Variants in EBF1 observed in about 807,000 individuals in gnomAD.
EBF1 encodes the protein transcription factor COE1.
Under a neutral mutation model 68.4 loss-of-function variants are expected in EBF1, and 10 were observed. The ratio of observed to expected loss-of-function variants is 0.15; its 90% CI spans 0.09 to 0.25. The LOEUF (loss-of-function observed/expected upper bound fraction) is 0.25. Ranked by LOEUF, EBF1 falls within the 10% of genes least tolerant of loss-of-function variation. The pLI is 1.00. For synonymous variants in EBF1, 298 were observed against 299.8 expected, an observed-to-expected ratio of 0.99 and a Z score of 0.06; for missense variants, 509 against 794.4, an observed-to-expected ratio of 0.64 and a Z score of 4.32.
chr5:158,990,409 A>C (rs1760087234), intron 6 of EBF1, among the ~76,000 whole-genome samples: 1 of 152,228 alleles, frequency 6.6e-6, no homozygotes, highest in African/African-American at 2.4e-5. Flanking sequence ...AATGGATTAG[A>C]GGAGGAGACT....
intron 6 of EBF1, among the ~76,000 whole-genome samples, chr5:159,051,456 C>CGGCG (rs1773707294): frequency 6.9e-6 from 1 of 144,300 alleles, no homozygotes; most frequent in Admixed American, 6.9e-5. Context: ...CCCCGCCGCC[C>CGGCG]GGCGGCTGAC....
chr5:158,803,438 A>G (rs1198155825), intron 8 of EBF1, among the ~76,000 whole-genome samples: 3 of 150,520 alleles, frequency 2.0e-5, no homozygotes, highest in African/African-American at 4.9e-5. Flanking sequence ...TGATCCTGAA[A>G]CTAGCAGCTA....
intron 6 of EBF1, 89 bp downstream of exon 6, chr5:159,073,307 A>T: frequency 2.1e-6 from 3 of 1,402,228 alleles, no homozygotes; most frequent in Non-Finnish European, 2.0e-6. Context: ...AGCCACATGC[A>T]TTCCTAACCC....
At chr5:159,087,514 G>A (rs1780938434) in intron 4 of EBF1, among the ~76,000 whole-genome samples, 1 of 151,322 alleles carries the variant, frequency 6.6e-6, no homozygotes, top group Non-Finnish European at 1.5e-5. Context: ...TGGAGGCAGG[G>A]GGAATTATCA....
intron 9 of EBF1, among the ~76,000 whole-genome samples, chr5:158,784,853 C>T (rs766180553): frequency 8.5e-5 from 13 of 152,116 alleles, no homozygotes; most frequent in African/African-American, 2.4e-4. Flanking sequence ...GAAGGGTCTG[C>T]GTTCTAAGGC....
chr5:158,697,966 C>G lies in EBF1; in HGVS notation c.*1145G>C, dbSNP rs1406779492. On this transcript the variant is annotated 3_prime_UTR_variant, in exon 16 of 16. Coordinates refer to ENST00000313708, the MANE Select transcript of EBF1 (RefSeq NM_024007.5). ...AACCTTCTTTTCCTTTCTCCACCCC[C>G]GGTTCCCTTTAACTCTTAATTCCAA... The G allele has an allele frequency of 9.5e-6, 2 of 210,460 alleles. No individual in the cohort carries two copies. Among genetic ancestry groups the G allele is most frequent in the African/African-American group, 4.5e-5 (2 of 44,004 alleles). The allele number at this position is 210,460 out of a possible 1,614,324, so 13.0% of individuals were successfully genotyped here.
chr5:159,032,439 G>A (rs532987962), intron 6 of EBF1, among the ~76,000 whole-genome samples: 1 of 152,310 alleles, frequency 6.6e-6, no homozygotes, highest in South Asian at 2.1e-4. Flanking sequence ...TAGAAATCAA[G>A]ACACGCCACT....
intron 14 of EBF1, among the ~76,000 whole-genome samples, chr5:158,711,772 C>A (rs1759386644): frequency 6.6e-6 from 1 of 152,082 alleles, no homozygotes; most frequent in African/African-American, 2.4e-5. Context: ...CTCCTGGGCT[C>A]AAGCAAACCT....
At chr5:158,713,231 T>A (rs1759853511) in intron 12 of EBF1, 84 bp from the exon 13 acceptor site, 2 of 1,206,900 alleles carry the variant, frequency 1.7e-6, no homozygotes, top group East Asian at 6.2e-5. Context: ...GGTACCGTGC[T>A]CAGGGTTTTC....
At chr5:159,079,011 T>C (rs1440709103) in intron 5 of EBF1, among the ~76,000 whole-genome samples, 2 of 152,170 alleles carry the variant, frequency 1.3e-5, no homozygotes, top group African/African-American at 2.4e-5. Flanking sequence ...TTCAAACTTG[T>C]AAAAAACAAG....
chr5:158,956,772 T>C (rs1295250608), intron 6 of EBF1, among the ~76,000 whole-genome samples: 1 of 147,342 alleles, frequency 6.8e-6, no homozygotes. Context: ...TTTTTTTTTT[T>C]TTTTGAGATG....
chr5:158,875,908 C>G (rs1373813045), intron 6 of EBF1, among the ~76,000 whole-genome samples: 2 of 152,238 alleles, frequency 1.3e-5, no homozygotes, highest in East Asian at 3.9e-4. Flanking sequence ...AAGACTTTTC[C>G]CAGTCCCTCC....
At chr5:158,776,871 G>A (rs749989534) in intron 10 of EBF1, among the ~76,000 whole-genome samples, 2 of 152,158 alleles carry the variant, frequency 1.3e-5, no homozygotes, top group Non-Finnish European at 2.9e-5. Context: ...TGTCTGATGG[G>A]AGGGAATTCA....
intron 8 of EBF1, among the ~76,000 whole-genome samples, chr5:158,810,678 G>T (rs1467476684): frequency 6.6e-6 from 1 of 152,120 alleles, no homozygotes; most frequent in African/African-American, 2.4e-5. Context: ...GCATATGTTC[G>T]CATATAAAAT....
intron 3 of EBF1, 120 bp from the exon 4 acceptor site, chr5:159,095,795 G>A: frequency 1.0e-6 from 1 of 995,184 alleles, no homozygotes; most frequent in Non-Finnish European, 1.5e-6. Context: ...TCACGAAAGG[G>A]GCTCCAAGGC....
intron 10 of EBF1, among the ~76,000 whole-genome samples, chr5:158,737,100 C>G (rs926940253): frequency 6.6e-6 from 1 of 152,046 alleles, no homozygotes; most frequent in Non-Finnish European, 1.5e-5. Context: ...GTGCCCCTGC[C>G]TCGGAGAGAG....
At chr5:159,094,360 T>C (rs1233315369) in intron 4 of EBF1, among the ~76,000 whole-genome samples, 1 of 106,366 alleles carries the variant, frequency 9.4e-6, no homozygotes, top group Non-Finnish European at 1.8e-5. Context: ...ACATGAAATA[T>C]ATTTCAATCT....
chr5:159,006,647 T>TAAAAAGAAAAAAAAAA (rs1763614008), intron 6 of EBF1, among the ~76,000 whole-genome samples: 1 of 56,226 alleles, frequency 1.8e-5, no homozygotes, highest in Non-Finnish European at 3.0e-5. Context: ...ATAGCCATGT[T>TAAAAAGAAAAAAAAAA]AAAAAAAAAA....
intron 10 of EBF1, among the ~76,000 whole-genome samples, chr5:158,746,558 C>G (rs1452015436): frequency 6.6e-6 from 1 of 152,068 alleles, no homozygotes. Flanking sequence ...TTCCTTCTAA[C>G]TGGAATTAAG....
Sources: gnomAD v4.1 joint callset for allele counts (sites outside exome capture counted in the v4.1 genomes callset) on GRCh38, gnomAD v4.1.1 for gene constraint, MANE v1.5 for transcripts, NCBI Gene and HGNC (gene_info 2026-07-23, HGNC 2026-07-21) for gene names.